The following MYBL2 variants were observed in gnomAD, a reference collection of about 807,000 sequenced individuals.
MYBL2 encodes the protein MYB proto-oncogene like 2, also known as myb-related protein B.
A neutral mutation model predicts 79.9 loss-of-function variants in MYBL2; 28 were observed. The ratio of observed to expected loss-of-function variants is 0.35; its 90% confidence interval spans 0.26 to 0.48. The LOEUF (loss-of-function observed/expected upper bound fraction) is 0.48, where lower values mean the gene tolerates loss of function less well. MYBL2 is among the 20% of genes least tolerant of loss of function. The pLI, the probability that MYBL2 is intolerant of heterozygous loss-of-function variation, is 0.99. For synonymous variants in MYBL2, 378 were observed against 361.2 expected (o/e 1.05, Z -0.53); for missense variants, 735 against 893.9 (o/e 0.82, Z 2.27).
intron 8 of MYBL2, among the ~76,000 whole-genome samples, chr20:43,703,249 C>T (rs1028798498): frequency 6.6e-6 from 1 of 152,106 alleles, no homozygotes; most frequent in Non-Finnish European, 1.5e-5. Context: ...CACTGGGGAG[C>T]AAAGATGAAG....
chr20:43,712,766 G>A (rs116647823), intron 11 of MYBL2, among the ~76,000 whole-genome samples: 44 of 152,232 alleles, frequency 2.9e-4, no homozygotes, highest in African/African-American at 1.0e-3. Context: ...GCTCACTGTC[G>A]CAGCACCTGG....
intron 12 of MYBL2, 101 bp downstream of exon 12, chr20:43,713,207 T>G: frequency 1.4e-5 from 8 of 582,110 alleles, no homozygotes; most frequent in East Asian, 6.1e-5. Flanking sequence ...CCCTGGGCTC[T>G]GCAGGGAGGG....
chr20:43,695,024 G>A (rs1481224454), intron 6 of MYBL2, among the ~76,000 whole-genome samples: 1 of 137,502 alleles, frequency 7.3e-6, no homozygotes, highest in East Asian at 2.1e-4. Context: ...ATGACCCTGA[G>A]CACAGGAGGT....
chr20:43,686,893 A>C lies in MYBL2; in HGVS notation c.321A>C (p.Thr107=). 1 of 1,614,174 alleles carries C rather than the reference A, an allele frequency of 6.2e-7. No homozygotes were observed. Among genetic ancestry groups the C allele is most frequent in the Non-Finnish European group, 8.5e-7 (1 of 1,180,022 alleles). The change falls in exon 5 of 14, where the codon ACA becomes ACC. Residue 107 remains threonine (T), a synonymous_variant. Coordinates refer to ENST00000217026, the MANE Select transcript of MYBL2 (RefSeq NM_002466.4). ...LVKKYGTKQW[T]LIAKHLKGRL... ...AGAAGTATGGCACAAAGCAGTGGAC[A>C]CTGATTGCCAAGCACCTGAAGGGCC...
chr20:43,712,814 G>A (rs1472389313), intron 11 of MYBL2, among the ~76,000 whole-genome samples, 188 bp from the exon 12 acceptor site: 1 of 152,096 alleles, frequency 6.6e-6, no homozygotes, highest in Non-Finnish European at 1.5e-5. Context: ...GTCTAATGGG[G>A]CCATGGGGCC....
intron 9 of MYBL2, 119 bp downstream of exon 9, chr20:43,705,477 C>A: frequency 1.7e-6 from 2 of 1,206,778 alleles, no homozygotes; most frequent in Non-Finnish European, 2.2e-6. Flanking sequence ...ACACTGAAGA[C>A]TGTTTTAAGA....
intron 9 of MYBL2, 124 bp from the exon 10 acceptor site, chr20:43,709,839 G>A: frequency 1.4e-6 from 1 of 735,426 alleles, no homozygotes; most frequent in Non-Finnish European, 2.2e-6. Flanking sequence ...GGTGGGGAGA[G>A]GGATGGGACG....
Position 43,702,490 on chromosome 20 carries a change from G to C in MYBL2, c.952G>C (p.Asp318His), listed in dbSNP as rs757381273. The change falls in exon 8 of 14, where the codon GAC (aspartate) becomes CAC (histidine). Residue 318 changes from aspartate (D) to histidine (H), a missense_variant and splice_region_variant. By Grantham distance (81) the Asp-to-His change is moderately conservative. Transcript: ENST00000217026. ...ATTCCTAACCTCCCTCCCTGGACAGGACCCTGATGCTTGGTGTGACCTGAG... is the reference window on the plus strand; with the variant it reads ...ATTCCTAACCTCCCTCCCTGGACAGCACCCTGATGCTTGGTGTGACCTGAG... ...LSEALDLIES[D>H]PDAWCDLSKF... The C allele has an allele frequency of 6.3e-7, 1 of 1,593,362 alleles. No individual in the cohort carries two copies. Among genetic ancestry groups the C allele is most frequent in the South Asian group, 1.1e-5 (1 of 89,918 alleles).
chr20:43,715,863 A>T (rs773915772), intron 13 of MYBL2, 96 bp from the exon 14 acceptor site: 236 of 1,444,724 alleles, frequency 1.6e-4, no homozygotes, highest in Non-Finnish European at 2.1e-4. Context: ...TAGGGGAGGG[A>T]GGCTTATAAC....
rs1987869769 is a variant in MYBL2 at position 43,709,975 on chromosome 20, A to G, written c.1518A>G (p.Pro506=). ...TGGCCCCTGGCAGGTTTGTAACCCC[A>G]GATCAGAAGTACTCCATGGACAACA... is the stretch of plus-strand genomic sequence containing the variant. ...LHQKHAAFVT[P]DQKYSMDNTP... Residue 506 remains proline, a synonymous_variant, in exon 10 of 14, where the codon CCA becomes CCG. Transcript: ENST00000217026. 6.2e-7 allele frequency: 1 copy of G among 1,606,506 alleles called. No individual in the cohort carries two copies. The highest frequency in any genetic ancestry group is 1.3e-5 in the African/African-American group (1 of 74,858).
chr20:43,670,298 GTTA>G (rs1986826039), intron 1 of MYBL2, among the ~76,000 whole-genome samples: 1 of 152,154 alleles, frequency 6.6e-6, no homozygotes, highest in Non-Finnish European at 1.5e-5. Flanking sequence ...ACTTCATTCT[GTTA>G]TTAGTATCTT....
chr20:43,678,550 T>TGG (rs1987070369), intron 2 of MYBL2, among the ~76,000 whole-genome samples: 1 of 151,790 alleles, frequency 6.6e-6, no homozygotes, highest in African/African-American at 2.4e-5. Context: ...ATCTGCTGTG[T>TGG]GGGGGATCGA....
Position 43,710,009 on chromosome 20 carries a change from A to G in MYBL2, c.1552A>G (p.Thr518Ala). Residue 518 changes from threonine to alanine, a missense_variant, in exon 10 of 14, where the codon ACG becomes GCG. Thr to Ala is a moderately conservative substitution (Grantham distance 58). Around this residue, in one of 5 missense-constraint regions of MYBL2, gnomAD observed 243 missense variants for 327.2 expected, o/e 0.74. Coordinates refer to ENST00000217026, the MANE Select transcript of MYBL2 (RefSeq NM_002466.4). Reference sequence around the variant, plus strand: ...GTACTCCATGGACAACACTCCCCACACGCCAACCCCGTTCAAGAACGCCCT... The same window carrying G: ...GTACTCCATGGACAACACTCCCCACGCGCCAACCCCGTTCAAGAACGCCCT... ...QKYSMDNTPH[T>A]PTPFKNALEK... The G allele has an allele frequency of 6.2e-7, 1 of 1,608,904 alleles. No individual in the cohort carries two copies. Among genetic ancestry groups the G allele is most frequent in the South Asian group, 1.1e-5 (1 of 89,486 alleles).
intron 1 of MYBL2, among the ~76,000 whole-genome samples, chr20:43,667,880 C>G (rs1466499059): frequency 6.6e-6 from 1 of 152,262 alleles, no homozygotes; most frequent in East Asian, 1.9e-4. Flanking sequence ...GTTCCGCGCC[C>G]CAGCTTGGTT....
chr20:43,716,033 G>A lies in MYBL2; in HGVS notation c.2049G>A (p.Gln683=). The change falls in exon 14 of 14, where the codon CAG becomes CAA. Residue 683 remains glutamine (Q), a synonymous_variant. Transcript: ENST00000217026. The part of the protein sequence containing the change: ...DQLFMQEKAR[Q]LLGRLKPSHT... The stretch of plus-strand genomic sequence containing the variant: ...TTTTCATGCAGGAGAAAGCCCGGCA[G>A]CTCCTGGGCCGCCTGAAGCCCAGCC... The A allele has an allele frequency of 6.2e-7, 1 of 1,611,486 alleles. No individual in the cohort carries two copies. Among genetic ancestry groups the A allele is most frequent in the Non-Finnish European group, 8.5e-7 (1 of 1,179,846 alleles).
At chr20:43,670,913 AACTT>A (rs1416226046) in intron 1 of MYBL2, among the ~76,000 whole-genome samples, 5 of 151,756 alleles carry the variant, frequency 3.3e-5, no homozygotes, top group Non-Finnish European at 5.9e-5. Context: ...AAAGATTACT[AACTT>A]TCCTCAAGCA....
Position 43,702,977 on chromosome 20 carries a change from G to A in MYBL2, c.1365+74G>A. On this transcript the variant is annotated intron_variant, in intron 8 of 13. Coordinates refer to ENST00000217026, the MANE Select transcript of MYBL2 (RefSeq NM_002466.4). ...GTGTTCAGTGCTGGGGCAAGGGTGA[G>A]CAAAACGAGACCTGGCTCTGCCCTC... 4 of 1,458,762 alleles carry A rather than the reference G, an allele frequency of 2.7e-6. No homozygotes were observed. The South Asian group carries it at 4.1e-5, about 15-fold the overall frequency. 90.4% of individuals were successfully genotyped at this position (1,458,762 alleles called of 1,614,324 possible).
rs1568872073 is a variant in MYBL2, at chr20:43,702,611, C to G, written c.1073C>G (p.Pro358Arg). 1 of 1,614,026 alleles carries G rather than the reference C, an allele frequency of 6.2e-7. No homozygotes were observed. Among genetic ancestry groups the G allele is most frequent in the African/African-American group, 1.3e-5 (1 of 74,934 alleles). The change falls in exon 8 of 14, where the codon CCC (proline) becomes CGC (arginine). Residue 358 changes from proline (P) to arginine (R), a missense_variant. Coordinates refer to ENST00000217026, the MANE Select transcript of MYBL2 (RefSeq NM_002466.4). ...QASHQQQVLP[P>R]RQPSALVPSV... Reference sequence around the variant, plus strand: ...TCACATCAGCAGCAAGTCCTGCCACCCCGCCAGCCTTCCGCCCTGGTGCCC... The same window carrying G: ...TCACATCAGCAGCAAGTCCTGCCACGCCGCCAGCCTTCCGCCCTGGTGCCC...
At chr20:43,715,094 C>G in intron 12 of MYBL2, 40 bp from the exon 13 acceptor site, 3 of 1,608,032 alleles carry the variant, frequency 1.9e-6, no homozygotes, top group Non-Finnish European at 2.6e-6. Context: ...CTCACAGCTT[C>G]TCGCAAAATG....
Sources: gnomAD v4.1 joint callset for allele counts (sites outside exome capture counted in the v4.1 genomes callset) on GRCh38, gnomAD v4.1.1 for gene constraint, gnomAD v4.1.1 regional missense constraint, MANE v1.5 for transcripts, NCBI Gene and HGNC (gene_info 2026-07-23, HGNC 2026-07-21) for gene names.